KIF26B: variants seen among roughly 807,000 people sequenced by gnomAD.
KIF26B encodes kinesin-like protein KIF26B.
KIF26B carries 63 observed loss-of-function variants against 151.2 expected under a neutral mutation model. The observed-to-expected ratio is 0.42, with a 90% CI of 0.34 to 0.51. KIF26B has a LOEUF of 0.51. KIF26B is among the 20% of genes least tolerant of loss of function. KIF26B has a pLI of 0.07. For synonymous variants in KIF26B, 1,357 were observed against 1,262.1 expected (o/e 1.08, Z -1.59); for missense variants, 2,813 against 2,913.6 (o/e 0.97, Z 0.79).
At chr1:245,348,845 C>T (rs917893454) in intron 2 of KIF26B, among the ~76,000 whole-genome samples, 3 of 152,206 alleles carry the variant, frequency 2.0e-5, no homozygotes, top group African/African-American at 7.2e-5. Flanking sequence ...GCCTGCTCCC[C>T]TGCCTGGGTC....
At chr1:245,650,734 G>A (rs551460267) in intron 10 of KIF26B, among the ~76,000 whole-genome samples, 1 of 152,318 alleles carries the variant, frequency 6.6e-6, no homozygotes, top group Non-Finnish European at 1.5e-5. Context: ...TAAACACTCT[G>A]TTTCTAAACA....
In KIF26B at chr1:245,418,728, C is replaced by A. The variant is rs74764547; in HGVS notation, c.1000-851C>A. The stretch of plus-strand genomic sequence containing the variant: ...TTTTTTGCAAGTAGACTGAAGATTT[C>A]AAGTAACAGGTTTTCCAAATACTTA... On this transcript the variant is annotated intron_variant, in intron 3 of 14. Transcript: ENST00000407071. 7.7e-3 allele frequency among the ~76,000 whole-genome samples: 1,171 copies of A among 152,182 alleles called. 21 individuals carry two copies. Among genetic ancestry groups the A allele is most frequent in the African/African-American group, 0.026 (1,099 of 41,530 alleles).
chr1:245,242,858 C>G (rs1046776756), intron 2 of KIF26B, among the ~76,000 whole-genome samples: 4 of 152,076 alleles, frequency 2.6e-5, no homozygotes, highest in Admixed American at 1.3e-4. Context: ...CACCATGTTG[C>G]TCAGGCTGGT....
chr1:245,366,554 T>A (rs60918432), intron 2 of KIF26B, among the ~76,000 whole-genome samples: 6,262 of 148,674 alleles, frequency 0.042, 380 homozygotes, highest in East Asian at 0.25. Context: ...AAAAAAAAAA[T>A]ATTCTTGACC....
At chr1:245,224,177 G>T (rs1382162673) in intron 2 of KIF26B, among the ~76,000 whole-genome samples, 1 of 151,954 alleles carries the variant, frequency 6.6e-6, no homozygotes, top group African/African-American at 2.4e-5. Flanking sequence ...CCCAGCTACT[G>T]GGGAGGCTGA....
intron 4 of KIF26B, among the ~76,000 whole-genome samples, chr1:245,465,140 G>T (rs1281579945): frequency 2.1e-5 from 1 of 48,750 alleles, no homozygotes; most frequent in East Asian, 3.7e-4. Flanking sequence ...CACCACACCC[G>T]GCTAATTTTT....
chr1:245,648,348 C>T (rs900740876), intron 10 of KIF26B, among the ~76,000 whole-genome samples: 2 of 152,078 alleles, frequency 1.3e-5, no homozygotes, highest in African/African-American at 2.4e-5. Flanking sequence ...AGTAGGGAAA[C>T]ATTAAAAATT....
intron 9 of KIF26B, among the ~76,000 whole-genome samples, chr1:245,635,848 G>C (rs1578416): frequency 0.75 from 114,290 of 151,978 alleles, 43,059 homozygotes; most frequent in East Asian, 0.89. Flanking sequence ...CACTTAAAAA[G>C]ACTTTAAAAT....
intron 2 of KIF26B, among the ~76,000 whole-genome samples, chr1:245,252,562 T>C (rs1247317812): frequency 2.0e-5 from 3 of 152,202 alleles, no homozygotes; most frequent in African/African-American, 7.2e-5. Context: ...CTGAACTCTT[T>C]TATTAAGTCT....
intron 2 of KIF26B, among the ~76,000 whole-genome samples, chr1:245,252,507 T>A (rs1670463092): frequency 6.6e-6 from 1 of 152,196 alleles, no homozygotes; most frequent in Non-Finnish European, 1.5e-5. Flanking sequence ...GATTGATTGC[T>A]GTTGACCTGT....
chr1:245,642,185 C>T (rs143541211), intron 9 of KIF26B, among the ~76,000 whole-genome samples: 1 of 152,314 alleles, frequency 6.6e-6, no homozygotes, highest in Non-Finnish European at 1.5e-5. Context: ...GACAAGTCTA[C>T]TTCCCAGCAG....
chr1:245,336,592 G>C (rs1672238560), intron 2 of KIF26B, among the ~76,000 whole-genome samples: 1 of 152,174 alleles, frequency 6.6e-6, no homozygotes, highest in Admixed American at 6.5e-5. Context: ...GGCTCGTGCG[G>C]CGGCTCGTGC....
intron 2 of KIF26B, among the ~76,000 whole-genome samples, chr1:245,186,656 C>G (rs1669005717): frequency 6.6e-6 from 1 of 152,176 alleles, no homozygotes; most frequent in South Asian, 2.1e-4. Flanking sequence ...TTACGTATCT[C>G]TAACTTGGCC....
intron 4 of KIF26B, among the ~76,000 whole-genome samples, chr1:245,420,717 C>T (rs1658465459): frequency 6.6e-6 from 1 of 152,216 alleles, no homozygotes; most frequent in Non-Finnish European, 1.5e-5. Context: ...TGCAGGGTCG[C>T]TCCGAAGACT....
At chr1:245,243,122 T>C (rs1235127349) in intron 2 of KIF26B, among the ~76,000 whole-genome samples, 1 of 152,212 alleles carries the variant, frequency 6.6e-6, no homozygotes, top group Non-Finnish European at 1.5e-5. Flanking sequence ...GTTGTACATG[T>C]CTTCAACTTT....
intron 2 of KIF26B, among the ~76,000 whole-genome samples, chr1:245,293,673 G>A (rs1385216332): frequency 6.6e-6 from 1 of 151,536 alleles, no homozygotes; most frequent in Non-Finnish European, 1.5e-5. Flanking sequence ...CCACCTCCCG[G>A]GTTCAAGCAA....
At chr1:245,394,361 G>C (rs886358907) in intron 3 of KIF26B, among the ~76,000 whole-genome samples, 2 of 152,162 alleles carry the variant, frequency 1.3e-5, no homozygotes, top group Non-Finnish European at 2.9e-5. Context: ...CGTGACTAAT[G>C]CCTGTAATCC....
At chr1:245,421,079 A>C (rs189968735) in intron 4 of KIF26B, among the ~76,000 whole-genome samples, 29 of 152,316 alleles carry the variant, frequency 1.9e-4, no homozygotes, top group Admixed American at 1.8e-3. Context: ...AATGGGGACC[A>C]TTGTGTTAGC....
chr1:245,275,410 A>G (rs757866170), intron 2 of KIF26B, among the ~76,000 whole-genome samples: 3 of 152,166 alleles, frequency 2.0e-5, no homozygotes, highest in Non-Finnish European at 4.4e-5. Flanking sequence ...GCCCATGCCT[A>G]GGTCCTGAAT....
Sources: gnomAD v4.1 joint callset for allele counts (sites outside exome capture counted in the v4.1 genomes callset) on GRCh38, gnomAD v4.1.1 for gene constraint, MANE v1.5 for transcripts, NCBI Gene and HGNC (gene_info 2026-07-23, HGNC 2026-07-21) for gene names.